Variants in DYRK1A observed in about 807,000 individuals in gnomAD.
DYRK1A encodes the protein dual specificity tyrosine phosphorylation regulated kinase 1A.
A neutral mutation model predicts 79.7 loss-of-function variants in DYRK1A; 9 were observed. The observed-to-expected ratio is 0.11, with a 90% confidence interval of 0.07 to 0.20. The LOEUF (loss-of-function observed/expected upper bound fraction) is 0.20. Ranked by LOEUF, DYRK1A falls within the 10% of genes least tolerant of loss-of-function variation. The pLI is 1.00. For missense variants in DYRK1A, 622 were observed against 956.0 expected (o/e 0.65, Z 4.61); for synonymous variants, 349 against 329.7 (o/e 1.06, Z -0.63).
In DYRK1A at chr21:37,443,677, A is replaced by G. The variant is rs117192082; in HGVS notation, c.10+23293A>G. ...TTTATCCAATGCTCGGTGAGTATCG[A>G]TGTTTCCCATTCTGGTTGGTGTGGG... On this transcript the variant is annotated intron_variant, in intron 2 of 11. Coordinates refer to ENST00000647188, the MANE Select transcript of DYRK1A (RefSeq NM_001347721.2). Among the ~76,000 whole-genome samples the G allele has an allele frequency of 3.1e-3, 474 of 152,268 alleles. 2 individuals carry two copies. Among genetic ancestry groups the G allele is most frequent in the Non-Finnish European group, 5.7e-3 (386 of 68,012 alleles).
chr21:37,442,418 A>G (rs984035161), intron 2 of DYRK1A, among the ~76,000 whole-genome samples: 9 of 152,020 alleles, frequency 5.9e-5, no homozygotes, highest in Non-Finnish European at 1.0e-4. Flanking sequence ...TTGACATCCA[A>G]TTTCAGTTGT....
At chr21:37,392,207 C>T (rs2049883509) in intron 1 of DYRK1A, among the ~76,000 whole-genome samples, 1 of 152,106 alleles carries the variant, frequency 6.6e-6, no homozygotes, top group Non-Finnish European at 1.5e-5. Context: ...ATGCTCAATC[C>T]AAGTGAGGTT....
chr21:37,369,812 T>C (rs2049394508), intron 1 of DYRK1A, among the ~76,000 whole-genome samples: 1 of 152,260 alleles, frequency 6.6e-6, no homozygotes, highest in African/African-American at 2.4e-5. Context: ...GATCTAAGTA[T>C]AAGATCATCT....
chr21:37,418,484 A>T (rs2050401691), intron 1 of DYRK1A, among the ~76,000 whole-genome samples: 1 of 152,182 alleles, frequency 6.6e-6, no homozygotes, highest in Admixed American at 6.5e-5. Context: ...AGTAATATCT[A>T]CTTCTATCGA....
chr21:37,369,568 T>C (rs1163268644), intron 1 of DYRK1A, among the ~76,000 whole-genome samples: 1 of 152,244 alleles, frequency 6.6e-6, no homozygotes, highest in Non-Finnish European at 1.5e-5. Context: ...CCTAGTTCTC[T>C]TGTTAAGACT....
At chr21:37,502,486 A>G (rs1472540926) in intron 9 of DYRK1A, 1 of 152,146 alleles carries the variant, frequency 6.6e-6, no homozygotes, top group Non-Finnish European at 1.5e-5. Flanking sequence ...CCTTCAAATA[A>G]TAATATATTG....
intron 5 of DYRK1A, among the ~76,000 whole-genome samples, chr21:37,482,006 G>C (rs2148586224): frequency 6.6e-6 from 1 of 152,330 alleles, no homozygotes; most frequent in African/African-American, 2.4e-5. Flanking sequence ...TGTGGAATGA[G>C]ATGGTTATTA....
chr21:37,492,019 T>TTA, intron 7 of DYRK1A, among the ~76,000 whole-genome samples: 1 of 152,132 alleles, frequency 6.6e-6, no homozygotes, highest in Middle Eastern at 3.2e-3. Context: ...TTTAAACAAA[T>TTA]TAGATAGGGA....
At chr21:37,479,622 T>TTTTTTTTTTTG in intron 4 of DYRK1A, among the ~76,000 whole-genome samples, 1 of 105,724 alleles carries the variant, frequency 9.5e-6, no homozygotes, top group Non-Finnish European at 1.8e-5. Flanking sequence ...GTTTTTTGTT[T>TTTTTTTTTTTG]TTTTTTTTTT....
In DYRK1A at chr21:37,493,157, C is replaced by T. The variant is rs2053153704; in HGVS notation, c.1065C>T (p.Ala355=). 1 of 1,607,802 alleles carries T rather than the reference C, an allele frequency of 6.2e-7. No individual in the cohort carries two copies. Among genetic ancestry groups the T allele is most frequent in the Non-Finnish European group, 8.5e-7 (1 of 1,175,198 alleles). The change falls in exon 8 of 12, where the codon GCC becomes GCT. Residue 355 remains alanine (A), a synonymous_variant. Coordinates refer to ENST00000647188, the MANE Select transcript of DYRK1A (RefSeq NM_001347721.2). ...MHTGEPLFSG[A]NEVDQMNKIV... is the part of the protein sequence containing the mutation. ...CTGGAGAACCTCTGTTCAGTGGTGC[C>T]AATGAGGTAAATGATGTATTGCTTT...
intron 3 of DYRK1A, among the ~76,000 whole-genome samples, chr21:37,477,046 A>G (rs559250001): frequency 3.9e-5 from 6 of 152,114 alleles, no homozygotes; most frequent in Middle Eastern, 3.2e-3. Flanking sequence ...TTCGGACCAC[A>G]TGGATGGTGA....
intron 1 of DYRK1A, among the ~76,000 whole-genome samples, chr21:37,390,185 T>G (rs752482686): frequency 2.6e-5 from 4 of 152,162 alleles, no homozygotes; most frequent in Non-Finnish European, 5.9e-5. Context: ...CCCCAGAGAA[T>G]ATGTCTTTGA....
intron 1 of DYRK1A, among the ~76,000 whole-genome samples, chr21:37,380,198 T>C (rs959277094): frequency 4.6e-5 from 7 of 152,234 alleles, no homozygotes; most frequent in Admixed American, 1.3e-4. Context: ...TACTGTCTGT[T>C]GAAAAATTTA....
At chr21:37,457,698 A>T (rs753889676) in intron 2 of DYRK1A, among the ~76,000 whole-genome samples, 24 of 152,228 alleles carry the variant, frequency 1.6e-4, no homozygotes, top group African/African-American at 3.9e-4. Context: ...GCAATTCAAT[A>T]TAGGTACCAA....
At chr21:37,496,439 A>G (rs559103155) in intron 9 of DYRK1A, among the ~76,000 whole-genome samples, 181 bp downstream of exon 9, 2 of 152,326 alleles carry the variant, frequency 1.3e-5, no homozygotes, top group South Asian at 2.1e-4. Context: ...TCAGGTATGG[A>G]CCAGTGTTTG....
chr21:37,466,692 A>T (rs2052036479), intron 2 of DYRK1A, among the ~76,000 whole-genome samples: 1 of 152,202 alleles, frequency 6.6e-6, no homozygotes. Context: ...GGTATTATTC[A>T]TCAGGAAGGC....
intron 1 of DYRK1A, among the ~76,000 whole-genome samples, chr21:37,374,821 G>C (rs954329364): frequency 6.6e-6 from 1 of 152,152 alleles, no homozygotes; most frequent in Non-Finnish European, 1.5e-5. Context: ...CCAAAGTGCT[G>C]GGATTACAGG....
At chr21:37,376,375 A>G (rs1215278515) in intron 1 of DYRK1A, among the ~76,000 whole-genome samples, 62 of 152,108 alleles carry the variant, frequency 4.1e-4, no homozygotes, top group Non-Finnish European at 7.4e-5. Context: ...CAGGTGCAGT[A>G]GTGAGTGTCT....
chr21:37,457,805 T>C (rs2051702434), intron 2 of DYRK1A, among the ~76,000 whole-genome samples: 1 of 152,180 alleles, frequency 6.6e-6, no homozygotes, highest in Non-Finnish European at 1.5e-5. Flanking sequence ...TCTCCCCTTT[T>C]CTCCCTGGGA....
Sources: allele counts gnomAD v4.1 joint callset (sites outside exome capture counted in the v4.1 genomes callset), GRCh38; gene constraint gnomAD v4.1.1; transcripts MANE v1.5; gene names NCBI Gene and HGNC (gene_info 2026-07-23, HGNC 2026-07-21).